The following ANKIB1 variants were observed in gnomAD, a reference collection of about 807,000 sequenced individuals.
ANKIB1 encodes ankyrin repeat and IBR domain-containing protein 1.
ANKIB1 carries 43 observed loss-of-function variants against 122.1 expected under a neutral mutation model. The ratio of observed to expected loss-of-function variants is 0.35; its 90% CI spans 0.28 to 0.45. ANKIB1 has a LOEUF of 0.45. Ranked by LOEUF, ANKIB1 falls within the 20% of genes least tolerant of loss-of-function variation. ANKIB1 has a pLI of 1.00. For missense variants in ANKIB1, 992 were observed against 1,329.5 expected (o/e 0.75, Z 3.95); for synonymous variants, 390 against 442.0 (o/e 0.88, Z 1.48).
intron 1 of ANKIB1, among the ~76,000 whole-genome samples, chr7:92,275,509 AG>A (rs1210075031): frequency 1.3e-5 from 2 of 152,198 alleles, no homozygotes; most frequent in African/African-American, 4.8e-5. Context: ...TAATTGGCAG[AG>A]GTCAGGGATG....
intron 5 of ANKIB1, among the ~76,000 whole-genome samples, chr7:92,335,385 GT>G (rs1485202594): frequency 6.6e-6 from 1 of 151,900 alleles, no homozygotes; most frequent in Non-Finnish European, 1.5e-5. Flanking sequence ...TTCTATAAAT[GT>G]TAATTAAGGT....
intron 12 of ANKIB1, among the ~76,000 whole-genome samples, 167 bp from the exon 13 acceptor site, chr7:92,387,631 G>T (rs1032434832): frequency 1.3e-5 from 2 of 149,440 alleles, no homozygotes; most frequent in African/African-American, 4.9e-5. Flanking sequence ...GCGAGACTCC[G>T]TCTCAAAAAA....
Position 92,391,282 on chromosome 7 carries a change from A to G in ANKIB1, c.2169A>G (p.Glu723=). Residue 723 remains glutamate (E), a synonymous_variant, in exon 16 of 20, where the codon GAA becomes GAG. Transcript: ENST00000265742. The part of the protein sequence containing the change: ...AACLVQQKRQ[E]FLASVARGVA... ...GCCTTGTACAGCAGAAGAGGCAAGA[A>G]TTCCTGGCATCTGTGGCTCGGGGAG... The G allele has an allele frequency of 6.2e-7, 1 of 1,613,620 alleles. No individual in the cohort carries two copies.
chr7:92,300,686 C>T (rs751048439), intron 2 of ANKIB1, among the ~76,000 whole-genome samples: 9 of 151,990 alleles, frequency 5.9e-5, no homozygotes, highest in Non-Finnish European at 1.2e-4. Flanking sequence ...TTTATCTCCT[C>T]AAATAGTTTT....
intron 1 of ANKIB1, 111 bp downstream of exon 1, chr7:92,246,630 C>A: frequency 2.2e-6 from 1 of 456,470 alleles, no homozygotes; most frequent in South Asian, 1.5e-5. Flanking sequence ...AGGAGTGTGT[C>A]TGTCGCCTGT....
At chr7:92,356,108 T>C (rs560821950) in intron 9 of ANKIB1, among the ~76,000 whole-genome samples, 1 of 152,248 alleles carries the variant, frequency 6.6e-6, no homozygotes, top group South Asian at 2.1e-4. Flanking sequence ...AAGTGAGTAC[T>C]TTTTTCTCCA....
chr7:92,399,145 A>T lies in ANKIB1; in HGVS notation c.*196A>T, dbSNP rs1804963265. The T allele has an allele frequency of 4.1e-6, 2 of 482,658 alleles. No homozygotes were observed. Among genetic ancestry groups the T allele is most frequent in the Non-Finnish European group, 6.7e-6 (2 of 300,062 alleles). The allele number at this position is 482,658 out of a possible 1,614,324, so 29.9% of individuals were successfully genotyped here. Reference sequence around the variant, plus strand: ...CTTACAGGGAATTTCCTTTGTACTTAATTGAATAGCTTTTCCCCTTTTTGC... The same window carrying T: ...CTTACAGGGAATTTCCTTTGTACTTTATTGAATAGCTTTTCCCCTTTTTGC... On this transcript the variant is annotated 3_prime_UTR_variant, in exon 20 of 20. Coordinates refer to ENST00000265742, the MANE Select transcript of ANKIB1 (RefSeq NM_019004.2).
Position 92,336,201 on chromosome 7 carries a change from C to T in ANKIB1, c.788-6823C>T, listed in dbSNP as rs905075732. On this transcript the variant is annotated intron_variant, in intron 5 of 19. Coordinates refer to ENST00000265742, the MANE Select transcript of ANKIB1 (RefSeq NM_019004.2). ...CTCTGTTCTTCAGATTGGATCATTT[C>T]TGTCTCCAAGTTCACCAAATTTTCC... Among the ~76,000 whole-genome samples the T allele has an allele frequency of 3.3e-5, 5 of 152,108 alleles. 1 individual carries two copies. The highest frequency in any genetic ancestry group is 3.3e-4 in the Admixed American group (5 of 15,292).
chr7:92,248,417 T>C (rs901644452), intron 1 of ANKIB1, among the ~76,000 whole-genome samples: 21 of 152,234 alleles, frequency 1.4e-4, no homozygotes, highest in Admixed American at 6.5e-5. Flanking sequence ...CTTTCCTCTT[T>C]CTTTTCTGGG....
intron 9 of ANKIB1, among the ~76,000 whole-genome samples, chr7:92,360,755 A>G (rs1209362172): frequency 6.6e-6 from 1 of 152,246 alleles, no homozygotes; most frequent in South Asian, 2.1e-4. Flanking sequence ...ATGTTTTTTA[A>G]TAATCACCAT....
At chr7:92,328,528 G>A (rs1562783396) in intron 5 of ANKIB1, among the ~76,000 whole-genome samples, 1 of 151,962 alleles carries the variant, frequency 6.6e-6, no homozygotes, top group Non-Finnish European at 1.5e-5. Context: ...GGCATTCTGG[G>A]AGCTCTCACA....
At chr7:92,327,455 G>A (rs1055197792) in intron 4 of ANKIB1, among the ~76,000 whole-genome samples, 2 of 151,996 alleles carry the variant, frequency 1.3e-5, no homozygotes, top group Admixed American at 1.3e-4. Flanking sequence ...TGTAAAATGG[G>A]GTATAGTATT....
intron 5 of ANKIB1, among the ~76,000 whole-genome samples, chr7:92,341,986 A>G (rs1331904764): frequency 2.0e-5 from 3 of 151,868 alleles, no homozygotes; most frequent in Admixed American, 6.6e-5. Flanking sequence ...TACTCCTTCT[A>G]TTTTCATTGC....
chr7:92,261,080 T>C (rs926721132), intron 1 of ANKIB1, among the ~76,000 whole-genome samples: 3 of 152,162 alleles, frequency 2.0e-5, no homozygotes, highest in Non-Finnish European at 2.9e-5. Context: ...CCGGGCGCGG[T>C]GGCTCACGCC....
intron 10 of ANKIB1, among the ~76,000 whole-genome samples, chr7:92,364,491 T>C (rs1349617717): frequency 6.6e-6 from 1 of 152,104 alleles, no homozygotes; most frequent in Non-Finnish European, 1.5e-5. Context: ...CACCTTTAGA[T>C]GTGACAAAAC....
chr7:92,303,130 T>C (rs919885059), intron 2 of ANKIB1, among the ~76,000 whole-genome samples: 2 of 152,190 alleles, frequency 1.3e-5, no homozygotes, highest in African/African-American at 4.8e-5. Flanking sequence ...AGAAGTCATA[T>C]AGGATGATAG....
chr7:92,251,114 C>T (rs866393087), intron 1 of ANKIB1, among the ~76,000 whole-genome samples: 15 of 152,270 alleles, frequency 9.9e-5, no homozygotes, highest in African/African-American at 3.6e-4. Context: ...CTACTCAAGT[C>T]ACTATATTTT....
At chr7:92,333,497 C>T (rs1339863350) in intron 5 of ANKIB1, among the ~76,000 whole-genome samples, 1 of 152,166 alleles carries the variant, frequency 6.6e-6, no homozygotes, top group Non-Finnish European at 1.5e-5. Context: ...CACTCCATGC[C>T]ATTTCCCTAG....
At chr7:92,388,086 T>G (rs1012647255) in intron 14 of ANKIB1, 45 bp downstream of exon 14, 1 of 1,489,544 alleles carries the variant, frequency 6.7e-7, no homozygotes, top group Admixed American at 2.0e-5. Context: ...AAAATATCTT[T>G]CCATGCTTGT....
Sources: gnomAD v4.1 joint callset for allele counts (sites outside exome capture counted in the v4.1 genomes callset) on GRCh38, gnomAD v4.1.1 for gene constraint, MANE v1.5 for transcripts, NCBI Gene and HGNC (gene_info 2026-07-23, HGNC 2026-07-21) for gene names.